The following COX19 variants were observed in gnomAD, a reference collection of about 807,000 sequenced individuals.
The protein encoded by COX19 is cytochrome c oxidase assembly protein COX19.
In COX19, 8 loss-of-function variants were observed where a neutral mutation model predicts 6.8. That is an observed-to-expected ratio of 1.18 (90% CI 0.69 to 2.12). The LOEUF (loss-of-function observed/expected upper bound fraction) is 2.12. Ranked by LOEUF, COX19 falls within the 30% of genes most tolerant of loss-of-function variation. The pLI, the probability that COX19 is intolerant of heterozygous loss-of-function variation, is 0.00. For missense variants in COX19, 131 were observed against 104.6 expected, an observed-to-expected ratio of 1.25 and a Z score of -1.10; for synonymous variants, 51 against 38.0, an observed-to-expected ratio of 1.34 and a Z score of -1.26.
chr7:974,952 C>T (rs1294955463), intron 1 of COX19: 1 of 153,818 alleles, frequency 6.5e-6, no homozygotes, highest in Non-Finnish European at 1.4e-5. Flanking sequence ...GCCACCGCGC[C>T]CGGCCCACAG....
chr7:965,515 C>T lies in COX19; in HGVS notation c.*3863G>A, dbSNP rs1847538852. Among the ~76,000 whole-genome samples, 1 of 152,226 alleles carries T rather than the reference C, an allele frequency of 6.6e-6. No homozygotes were observed. Among genetic ancestry groups the T allele is most frequent in the Non-Finnish European group, 1.5e-5 (1 of 68,044 alleles). On this transcript the variant is annotated 3_prime_UTR_variant, in exon 3 of 3. Coordinates refer to ENST00000344111, the MANE Select transcript of COX19 (RefSeq NM_001031617.3). ...TGCGGCTCGCTCCCGGCGGTGGCTG[C>T]TGGGTTAAGGGGGCCTCTGCCGTTC... is the stretch of plus-strand genomic sequence containing the variant.
At position 975,456 on chromosome 7, in the gene COX19, G is replaced by C; in HGVS notation, c.54C>G (p.Asp18Glu). 1 of 1,600,482 alleles carries C rather than the reference G, an allele frequency of 6.2e-7. No individual in the cohort carries two copies. The highest frequency in any genetic ancestry group is 2.3e-5 in the East Asian group (1 of 43,208). Residue 18 changes from aspartate (D) to glutamate (E), a missense_variant, in exon 1 of 3, where the codon GAC becomes GAG. Coordinates refer to ENST00000344111, the MANE Select transcript of COX19 (RefSeq NM_001031617.3). Reference protein sequence around the residue: ...GTKSFQPRPPDKGSFPLDHLG... With the variant: ...GTKSFQPRPPEKGSFPLDHLG... Reference sequence around the variant, plus strand: ...AGTGATCCAGCGGGAAGCTGCCCTTGTCCGGGGGCCGCGGCTGGAAGCTCT... The same window carrying C: ...AGTGATCCAGCGGGAAGCTGCCCTTCTCCGGGGGCCGCGGCTGGAAGCTCT...
intron 1 of COX19, 171 bp downstream of exon 1, chr7:975,257 G>C: frequency 1.9e-6 from 1 of 531,566 alleles, no homozygotes; most frequent in Non-Finnish European, 3.3e-6. Context: ...CACCTGCAGG[G>C]TCCATGCCGC....
At chr7:972,409 A>C (rs1847648424) in intron 2 of COX19, among the ~76,000 whole-genome samples, 1 of 152,202 alleles carries the variant, frequency 6.6e-6, no homozygotes, top group African/African-American at 2.4e-5. Context: ...GCCTTGAGGG[A>C]AATGTCTGAG....
chr7:974,853 TC>T (rs1847683094), intron 1 of COX19: 1 of 152,258 alleles, frequency 6.6e-6, no homozygotes, highest in Admixed American at 6.5e-5. Flanking sequence ...AGACGGGGTT[TC>T]CCCATGTTGG....
rs1847548093 is a variant in COX19, at chr7:966,032, G to T, written c.*3346C>A. ...ATTTCTTCTATATTAGAATTAATAAGACAGACCTGGCCCTCCCCCCACTGA... is the reference window on the plus strand; with the variant it reads ...ATTTCTTCTATATTAGAATTAATAATACAGACCTGGCCCTCCCCCCACTGA... On this transcript the variant is annotated 3_prime_UTR_variant, in exon 3 of 3. Transcript: ENST00000344111. The T allele has an allele frequency of 6.6e-6, 1 of 152,158 alleles. No individual in the cohort carries two copies. The highest frequency in any genetic ancestry group is 2.4e-5 in the African/African-American group (1 of 41,398). 9.4% of individuals were successfully genotyped at this position (152,158 alleles called of 1,614,324 possible). A position where few individuals can be genotyped will look rare whatever the true frequency, so the allele number is the denominator to read the frequency against.
chr7:970,340 G>A (rs1847618125), intron 2 of COX19, among the ~76,000 whole-genome samples: 1 of 151,876 alleles, frequency 6.6e-6, no homozygotes. Context: ...TAACCATATG[G>A]GTCAGGCTGG....
At chr7:971,469 G>C (rs1388230078) in intron 2 of COX19, among the ~76,000 whole-genome samples, 1 of 152,070 alleles carries the variant, frequency 6.6e-6, no homozygotes, top group Non-Finnish European at 1.5e-5. Flanking sequence ...ACTTCTGTAT[G>C]TTTGATGATT....
rs2397 is a variant in COX19 at position 964,887 on chromosome 7, T to A, written c.*4491A>T. On this transcript the variant is annotated 3_prime_UTR_variant, in exon 3 of 3. Coordinates refer to ENST00000344111, the MANE Select transcript of COX19 (RefSeq NM_001031617.3). ...GAGCCTTTTAATAATGTGGCCAGCT[T>A]ATCATGACAAGCGTCTATGAGAAAT... is the stretch of plus-strand genomic sequence containing the variant. Among the ~76,000 whole-genome samples the A allele has an allele frequency of 0.13, 19,123 of 152,304 alleles. 1,643 individuals are homozygous for A. The highest frequency in any genetic ancestry group is 0.24 in the African/African-American group (9,982 of 41,534).
At chr7:972,797 G>GCATA (rs1847653563) in intron 2 of COX19, 1 of 154,164 alleles carries the variant, frequency 6.5e-6, no homozygotes, top group Non-Finnish European at 1.4e-5. Context: ...ACAACCCAGT[G>GCATA]CATATTTTTA....
chr7:970,500 C>T (rs530797776), intron 2 of COX19, among the ~76,000 whole-genome samples: 98 of 143,828 alleles, frequency 6.8e-4, no homozygotes, highest in African/African-American at 1.0e-3. Context: ...TGGAGTGCAG[C>T]GGCATGATCT....
intron 1 of COX19, 140 bp from the exon 2 acceptor site, chr7:973,432 A>G: frequency 8.7e-7 from 1 of 1,149,278 alleles, no homozygotes; most frequent in Non-Finnish European, 1.1e-6. Flanking sequence ...CTGTAATCCC[A>G]GCACTCTGAG....
chr7:973,127 A>G (rs937011608), intron 2 of COX19, 54 bp downstream of exon 2: 82 of 1,276,188 alleles, frequency 6.4e-5, no homozygotes, highest in Non-Finnish European at 7.9e-5. Context: ...AGGAAAAAAA[A>G]AGTTTTAATT....
rs375385521 is a variant in COX19, at chr7:971,044, G to T, written c.195-1588C>A. 2.3e-3 allele frequency among the ~76,000 whole-genome samples: 352 copies of T among 152,222 alleles called. 2 individuals carry two copies. The highest frequency in any genetic ancestry group is 7.8e-3 in the African/African-American group (325 of 41,534). ...ATCCTGCTGCGTGCTTTACAGGGAT[G>T]GCCTCCTTTACCCTCCCCACAACCC... On this transcript the variant is annotated intron_variant, in intron 2 of 2. Transcript: ENST00000344111.
intron 2 of COX19, among the ~76,000 whole-genome samples, chr7:972,531 C>T (rs1362663368): frequency 1.3e-5 from 2 of 152,116 alleles, no homozygotes; most frequent in African/African-American, 2.4e-5. Context: ...TAATCATGGC[C>T]TCGAAAAGCA....
rs1209495802 is a variant in COX19 at position 965,393 on chromosome 7, G to A, written c.*3985C>T. ...GGCTCCTCGGTTTGGGTCTGTGTCT[G>A]TTGTCTCCTTGGGATTACATTCAGG... On this transcript the variant is annotated 3_prime_UTR_variant, in exon 3 of 3. Coordinates refer to ENST00000344111, the MANE Select transcript of COX19 (RefSeq NM_001031617.3). Among the ~76,000 whole-genome samples, 1 of 152,184 alleles carries A rather than the reference G, an allele frequency of 6.6e-6. No homozygotes were observed. Among genetic ancestry groups the A allele is most frequent in the Non-Finnish European group, 1.5e-5 (1 of 68,046 alleles).
At chr7:971,213 C>A (rs1036204210) in intron 2 of COX19, among the ~76,000 whole-genome samples, 1 of 152,238 alleles carries the variant, frequency 6.6e-6, no homozygotes, top group African/African-American at 2.4e-5. Flanking sequence ...TTCTAAATCA[C>A]TGCAGAGGCT....
At chr7:971,129 G>C (rs575339823) in intron 2 of COX19, among the ~76,000 whole-genome samples, 1 of 152,204 alleles carries the variant, frequency 6.6e-6, no homozygotes, top group Non-Finnish European at 1.5e-5. Context: ...TGCTGGCAGC[G>C]GGTGAGGCTG....
Position 969,265 on chromosome 7 carries a change from G to C in COX19, c.*113C>G. On this transcript the variant is annotated 3_prime_UTR_variant, in exon 3 of 3. Coordinates refer to ENST00000344111, the MANE Select transcript of COX19 (RefSeq NM_001031617.3). ...CCCCACAGGGCTGGAGCTTCTATTC[G>C]AAGCCCATTTCTAAGGACACCACAC... 1.4e-6 allele frequency: 1 copy of C among 726,876 alleles called. No individual in the cohort carries two copies. The highest frequency in any genetic ancestry group is 2.5e-5 in the East Asian group (1 of 40,172). 45.0% of individuals were successfully genotyped at this position (726,876 alleles called of 1,614,324 possible). A position where few individuals can be genotyped will look rare whatever the true frequency, so the allele number is the denominator to read the frequency against.
Sources: allele counts gnomAD v4.1 joint callset (sites outside exome capture counted in the v4.1 genomes callset), GRCh38; gene constraint gnomAD v4.1.1; transcripts MANE v1.5; gene names NCBI Gene and HGNC (gene_info 2026-07-23, HGNC 2026-07-21).